Variants in INPP4B observed in about 807,000 individuals in gnomAD.
INPP4B encodes inositol polyphosphate-4-phosphatase type II B.
In INPP4B, 55 loss-of-function variants were observed where a neutral mutation model predicts 122.5. The ratio of observed to expected loss-of-function variants is 0.45; its 90% confidence interval spans 0.36 to 0.56. The LOEUF (loss-of-function observed/expected upper bound fraction) is 0.56, where lower values mean the gene tolerates loss of function less well. Ranked by LOEUF, INPP4B falls within the 20% of genes least tolerant of loss-of-function variation. The pLI is 0.00. For synonymous variants in INPP4B, 403 were observed against 388.7 expected (o/e 1.04, Z -0.43); for missense variants, 1,000 against 1,097.7 (o/e 0.91, Z 1.26).
chr4:142,068,119 T>G (rs1267743559), intron 25 of INPP4B, among the ~76,000 whole-genome samples: 2 of 152,174 alleles, frequency 1.3e-5, no homozygotes, highest in Non-Finnish European at 2.9e-5. Context: ...CCCATCAGAC[T>G]AACAGCGGAT....
At chr4:142,739,401 A>T (rs1178927106) in intron 1 of INPP4B, among the ~76,000 whole-genome samples, 1 of 151,932 alleles carries the variant, frequency 6.6e-6, no homozygotes, top group Non-Finnish European at 1.5e-5. Flanking sequence ...GTCCAATAGG[A>T]AAATATGAAG....
At chr4:142,263,527 G>A (rs922801313) in intron 10 of INPP4B, among the ~76,000 whole-genome samples, 19 of 150,472 alleles carry the variant, frequency 1.3e-4, no homozygotes, top group Non-Finnish European at 2.5e-4. Flanking sequence ...TTCTGACTTA[G>A]ACTGTTTCAG....
chr4:142,257,638 CA>C (rs1211244828), intron 11 of INPP4B, among the ~76,000 whole-genome samples: 2 of 152,152 alleles, frequency 1.3e-5, no homozygotes, highest in Admixed American at 6.5e-5. Context: ...CCTAGGAATC[CA>C]ACTTACAAGG....
intron 2 of INPP4B, among the ~76,000 whole-genome samples, chr4:142,540,176 A>G (rs1466046292): frequency 6.6e-6 from 1 of 152,128 alleles, no homozygotes; most frequent in Non-Finnish European, 1.5e-5. Flanking sequence ...ACACTACTTT[A>G]TCATATCACC....
chr4:142,771,794 G>A (rs1480775262), intron 1 of INPP4B, among the ~76,000 whole-genome samples: 3 of 152,060 alleles, frequency 2.0e-5, no homozygotes, highest in Admixed American at 6.6e-5. Context: ...ATTCTGCAAG[G>A]ATTACTGAGT....
intron 2 of INPP4B, among the ~76,000 whole-genome samples, chr4:142,688,814 G>T (rs756609588): frequency 6.6e-5 from 10 of 152,188 alleles, no homozygotes; most frequent in African/African-American, 1.2e-4. Flanking sequence ...TCTCTAAATT[G>T]CTCGTGGGGA....
chr4:142,622,496 T>C (rs1220705898), intron 2 of INPP4B, among the ~76,000 whole-genome samples: 1 of 151,794 alleles, frequency 6.6e-6, no homozygotes, highest in East Asian at 1.9e-4. Context: ...AAATAAAACT[T>C]TTTGCACTTC....
At chr4:142,487,612 C>G (rs1007167239) in intron 2 of INPP4B, among the ~76,000 whole-genome samples, 9 of 152,054 alleles carry the variant, frequency 5.9e-5, no homozygotes, top group Non-Finnish European at 1.2e-4. Context: ...CTTAAATTCT[C>G]TAAGCAACAT....
At chr4:142,264,360 CAGAA>C (rs946510237) in intron 10 of INPP4B, among the ~76,000 whole-genome samples, 32 of 152,142 alleles carry the variant, frequency 2.1e-4, no homozygotes, top group African/African-American at 7.7e-4. Flanking sequence ...TTATGAGAGG[CAGAA>C]AGGAGTCAAA....
chr4:142,057,784 G>A (rs1170621046), intron 25 of INPP4B, among the ~76,000 whole-genome samples: 1 of 152,008 alleles, frequency 6.6e-6, no homozygotes, highest in African/African-American at 2.4e-5. Flanking sequence ...TGCCCATTCT[G>A]CTTATTAAAC....
At chr4:142,174,495 T>C (rs1403213546) in intron 15 of INPP4B, among the ~76,000 whole-genome samples, 3 of 152,120 alleles carry the variant, frequency 2.0e-5, no homozygotes, top group African/African-American at 7.2e-5. Context: ...GACAAATTTA[T>C]TGGACAGAAA....
chr4:142,273,019 C>T (rs540211373), intron 9 of INPP4B, among the ~76,000 whole-genome samples: 10 of 151,832 alleles, frequency 6.6e-5, no homozygotes, highest in Non-Finnish European at 1.2e-4. Flanking sequence ...TGTAATAAAC[C>T]GTATATGTCA....
At chr4:142,453,222 T>C (rs1298162844) in intron 3 of INPP4B, among the ~76,000 whole-genome samples, 1 of 152,160 alleles carries the variant, frequency 6.6e-6, no homozygotes, top group African/African-American at 2.4e-5. Context: ...TGTCAGACGT[T>C]TCAAAATCCT....
chr4:142,298,496 C>T (rs547478341), intron 9 of INPP4B, among the ~76,000 whole-genome samples: 1 of 151,666 alleles, frequency 6.6e-6, no homozygotes, highest in Non-Finnish European at 1.5e-5. Context: ...ACAAGCCTGG[C>T]CAAGATGGTG....
At chr4:142,591,789 A>G (rs958575193) in intron 2 of INPP4B, among the ~76,000 whole-genome samples, 2 of 152,174 alleles carry the variant, frequency 1.3e-5, no homozygotes, top group Non-Finnish European at 2.9e-5. Context: ...AGCCTGACCT[A>G]TGCAAAAAGT....
intron 1 of INPP4B, among the ~76,000 whole-genome samples, chr4:142,729,281 G>A (rs1033423580): frequency 3.1e-4 from 47 of 152,266 alleles, no homozygotes; most frequent in African/African-American, 7.2e-4. Context: ...CCACGGCTTG[G>A]GGGTTGGGGA....
chr4:142,102,146 TC>T (rs1784745801), intron 23 of INPP4B, among the ~76,000 whole-genome samples: 1 of 152,000 alleles, frequency 6.6e-6, no homozygotes. Context: ...ACTTAAGCCA[TC>T]TTTGCTCCAT....
intron 22 of INPP4B, among the ~76,000 whole-genome samples, chr4:142,108,808 C>G (rs886123212): frequency 5.3e-5 from 8 of 152,076 alleles, no homozygotes; most frequent in Admixed American, 4.6e-4. Flanking sequence ...TGTCACTAAC[C>G]TTGTGTTATC....
At chr4:142,638,348 C>A (rs1319153940) in intron 2 of INPP4B, among the ~76,000 whole-genome samples, 4 of 152,088 alleles carry the variant, frequency 2.6e-5, no homozygotes, top group Non-Finnish European at 5.9e-5. Flanking sequence ...GTCTATGGTT[C>A]ATTTTGAGTA....
Sources: allele counts gnomAD v4.1 joint callset (sites outside exome capture counted in the v4.1 genomes callset), GRCh38; gene constraint gnomAD v4.1.1; transcripts MANE v1.5; gene names NCBI Gene and HGNC (gene_info 2026-07-23, HGNC 2026-07-21).